Variants in FGF14 observed in about 807,000 individuals in gnomAD.
The protein encoded by FGF14 is fibroblast growth factor 14.
FGF14 carries 5 observed loss-of-function variants against 25.5 expected under a neutral mutation model. That is an observed-to-expected ratio of 0.20 (90% CI 0.10 to 0.41). The LOEUF (loss-of-function observed/expected upper bound fraction) is 0.41. Ranked by LOEUF, FGF14 falls within the 10% of genes least tolerant of loss-of-function variation. The pLI is 1.00. For synonymous variants in FGF14, 138 were observed against 118.3 expected (o/e 1.17, Z -1.08); for missense variants, 222 against 320.1 (o/e 0.69, Z 2.34).
At chr13:102,022,832 G>C (rs1447747216) in intron 1 of FGF14, among the ~76,000 whole-genome samples, 7 of 152,014 alleles carry the variant, frequency 4.6e-5, no homozygotes, top group African/African-American at 1.7e-4. Flanking sequence ...TAATGTGTTA[G>C]ATTTCAGCAT....
At chr13:101,827,950 AG>A (rs35151278) in intron 3 of FGF14, among the ~76,000 whole-genome samples, 50,411 of 149,548 alleles carry the variant, frequency 0.34, 8,923 homozygotes, top group East Asian at 0.54. Flanking sequence ...GAAAGAAAAA[AG>A]TGTGGTATAC....
chr13:102,024,808 G>A lies in FGF14; in HGVS notation c.209-149512C>T, dbSNP rs4627185. 5.5e-4 allele frequency among the ~76,000 whole-genome samples: 83 copies of A among 151,842 alleles called. 1 individual carries two copies. In the South Asian group the frequency reaches 9.3e-3, roughly 17 times the overall value. ...TAACTTCAATCTTTTTCATGTGGCT[G>A]TTCAGTTATTCCAGCACCATTTGTT... On this transcript the variant is annotated intron_variant, in intron 1 of 4. Transcript: ENST00000376131.
At position 101,719,302 on chromosome 13, in the gene FGF14, T is replaced by TAAAG. The variant is rs2034837140; in HGVS notation, c.*3525_*3528dup. On this transcript the variant is annotated 3_prime_UTR_variant, in exon 5 of 5. Coordinates refer to ENST00000376143, the MANE Select transcript of FGF14 (RefSeq NM_004115.4). ...TAATTAAGCAAGTGGCTAGGTATGA[T>TAAAG]AAAGAACTTCTGCTTGCTCCCCAAG... 1 of 152,110 alleles carries TAAAG rather than the reference T, an allele frequency of 6.6e-6. No homozygotes were observed. The highest frequency in any genetic ancestry group is 1.5e-5 in the Non-Finnish European group (1 of 68,012). 9.4% of individuals were successfully genotyped at this position (152,110 alleles called of 1,614,324 possible). A position where few individuals can be genotyped will look rare whatever the true frequency, so the allele number is the denominator to read the frequency against.
intron 1 of FGF14, among the ~76,000 whole-genome samples, chr13:102,385,299 C>T (rs1349953698): frequency 2.6e-5 from 4 of 152,156 alleles, no homozygotes; most frequent in Non-Finnish European, 4.4e-5. Context: ...TATAATGTAA[C>T]TTAAATATAC....
chr13:101,915,226 G>A (rs1354556835), intron 1 of FGF14, among the ~76,000 whole-genome samples: 3 of 151,922 alleles, frequency 2.0e-5, no homozygotes, highest in Non-Finnish European at 2.9e-5. Context: ...AAAATATTCA[G>A]CATTAGCCTT....
At chr13:102,232,191 C>T (rs1423955517) in intron 1 of FGF14, among the ~76,000 whole-genome samples, 1 of 152,124 alleles carries the variant, frequency 6.6e-6, no homozygotes, top group Non-Finnish European at 1.5e-5. Flanking sequence ...AACCTAACTA[C>T]AGTTAACATT....
chr13:102,367,197 T>C (rs1460571051), intron 1 of FGF14: 1 of 152,030 alleles, frequency 6.6e-6, no homozygotes, highest in East Asian at 1.9e-4. Flanking sequence ...CTCTCATGAG[T>C]TTGCTGTTAA....
intron 3 of FGF14, among the ~76,000 whole-genome samples, chr13:101,795,343 G>T (rs2040460894): frequency 6.6e-6 from 1 of 152,040 alleles, no homozygotes; most frequent in Non-Finnish European, 1.5e-5. Flanking sequence ...CTGCATATAA[G>T]AAGTATATTT....
At chr13:102,197,524 T>C (rs1019023204) in intron 1 of FGF14, among the ~76,000 whole-genome samples, 2 of 152,132 alleles carry the variant, frequency 1.3e-5, no homozygotes, top group African/African-American at 4.8e-5. Flanking sequence ...CTTTAGAATT[T>C]GGCGGTTTTA....
intron 1 of FGF14, among the ~76,000 whole-genome samples, chr13:102,071,630 T>G (rs1420327688): frequency 6.6e-6 from 1 of 152,210 alleles, no homozygotes; most frequent in Admixed American, 6.5e-5. Flanking sequence ...CCGGATGTAA[T>G]AGAAAGTGAT....
At chr13:102,051,126 C>T (rs1266641194) in intron 1 of FGF14, among the ~76,000 whole-genome samples, 2 of 152,198 alleles carry the variant, frequency 1.3e-5, no homozygotes, top group Non-Finnish European at 2.9e-5. Context: ...ACTCATGTCT[C>T]AGGCACATGG....
chr13:102,275,241 T>TCTCTCTCTCC (rs1456270524), intron 1 of FGF14, among the ~76,000 whole-genome samples: 9 of 94,640 alleles, frequency 9.5e-5, no homozygotes, highest in Non-Finnish European at 1.9e-4. Context: ...GATTTCTCTC[T>TCTCTCTCTCC]CTCTCTCTCT....
chr13:101,919,337 A>T (rs537856473), upstream of FGF14, among the ~76,000 whole-genome samples: 7 of 151,838 alleles, frequency 4.6e-5, no homozygotes, highest in Admixed American at 2.0e-4. Context: ...AAAAAAGTAA[A>T]ATGTTAAGTA....
At chr13:102,314,615 T>G (rs752849440) in intron 1 of FGF14, among the ~76,000 whole-genome samples, 7 of 152,204 alleles carry the variant, frequency 4.6e-5, no homozygotes, top group Non-Finnish European at 8.8e-5. Context: ...TTATTCATAG[T>G]AAACACTCAG....
chr13:102,248,312 A>C (rs1216702700), intron 1 of FGF14, among the ~76,000 whole-genome samples: 2 of 152,134 alleles, frequency 1.3e-5, no homozygotes, highest in Admixed American at 1.3e-4. Context: ...ATATATAAAG[A>C]AGTAGAAAAT....
intron 4 of FGF14, among the ~76,000 whole-genome samples, chr13:101,725,683 CAAAAA>C (rs771651630): frequency 6.6e-5 from 10 of 152,054 alleles, no homozygotes; most frequent in African/African-American, 1.4e-4. Flanking sequence ...GAATAAAACA[CAAAAA>C]GAAAATTGAG....
intron 1 of FGF14, among the ~76,000 whole-genome samples, chr13:102,154,984 C>A (rs2047261004): frequency 6.6e-6 from 1 of 152,090 alleles, no homozygotes; most frequent in Non-Finnish European, 1.5e-5. Context: ...ATATATGCAC[C>A]AAATACAGGA....
At chr13:102,293,105 T>C (rs1316356217) in intron 1 of FGF14, 1 of 152,340 alleles carries the variant, frequency 6.6e-6, no homozygotes, top group Non-Finnish European at 1.5e-5. Context: ...TGTCCATCTC[T>C]GGTATCCATT....
At chr13:102,258,582 C>T (rs751316825) in intron 1 of FGF14, among the ~76,000 whole-genome samples, 9 of 152,042 alleles carry the variant, frequency 5.9e-5, no homozygotes, top group Non-Finnish European at 7.4e-5. Context: ...AGTCTGGGGA[C>T]GGGAGCCCAT....
Sources: allele counts gnomAD v4.1 joint callset (sites outside exome capture counted in the v4.1 genomes callset), GRCh38; gene constraint gnomAD v4.1.1; transcripts MANE v1.5; gene names NCBI Gene and HGNC (gene_info 2026-07-23, HGNC 2026-07-21).